Variants in SPAG16 observed in about 807,000 individuals in gnomAD.
SPAG16 encodes sperm-associated antigen 16 protein.
A neutral mutation model predicts 80.4 loss-of-function variants in SPAG16; 86 were observed. The ratio of observed to expected loss-of-function variants is 1.07; its 90% CI spans 0.90 to 1.28. SPAG16 has a LOEUF of 1.28. SPAG16 is among the 50% of genes most tolerant of loss of function. The pLI, the probability that SPAG16 is intolerant of heterozygous loss-of-function variation, is 0.00. For missense variants in SPAG16, 870 were observed against 765.3 expected (o/e 1.14, Z -1.61); for synonymous variants, 294 against 265.9 (o/e 1.11, Z -1.03).
At chr2:213,814,733 T>A (rs890860497) in intron 10 of SPAG16, among the ~76,000 whole-genome samples, 3 of 152,028 alleles carry the variant, frequency 2.0e-5, no homozygotes, top group Admixed American at 6.6e-5. Flanking sequence ...GAGGTTGCAG[T>A]GAGCCGAGAT....
At chr2:214,231,640 C>A (rs985479861) in intron 15 of SPAG16, among the ~76,000 whole-genome samples, 2 of 151,946 alleles carry the variant, frequency 1.3e-5, no homozygotes, top group Non-Finnish European at 2.9e-5. Context: ...CAGCATTGAG[C>A]CCCCAAAAGA....
intron 11 of SPAG16, among the ~76,000 whole-genome samples, chr2:213,898,515 A>G (rs1489143868): frequency 2.0e-5 from 3 of 152,180 alleles, no homozygotes; most frequent in Admixed American, 1.3e-4. Context: ...TGCTGGGGTC[A>G]TGACTGTTGC....
At chr2:213,461,417 T>A (rs1454127683) in intron 9 of SPAG16, among the ~76,000 whole-genome samples, 1 of 152,168 alleles carries the variant, frequency 6.6e-6, no homozygotes, top group Non-Finnish European at 1.5e-5. Context: ...CGGAGTGCCA[T>A]TCGATGGTAA....
At chr2:213,947,459 T>G (rs2079526944) in intron 12 of SPAG16, among the ~76,000 whole-genome samples, 1 of 152,158 alleles carries the variant, frequency 6.6e-6, no homozygotes, top group Admixed American at 6.5e-5. Context: ...GACATCTTAT[T>G]ATGTACATAC....
chr2:214,298,400 A>ATGAT (rs1297749815), intron 15 of SPAG16, among the ~76,000 whole-genome samples: 2 of 152,230 alleles, frequency 1.3e-5, no homozygotes, highest in East Asian at 3.9e-4. Flanking sequence ...AAGGAGGATG[A>ATGAT]TGATGAAATT....
chr2:214,000,127 G>T (rs1324034190), intron 12 of SPAG16, among the ~76,000 whole-genome samples: 1 of 152,068 alleles, frequency 6.6e-6, no homozygotes, highest in Non-Finnish European at 1.5e-5. Context: ...AGGGGCCAGG[G>T]GTAGAATGAT....
intron 5 of SPAG16, among the ~76,000 whole-genome samples, chr2:213,326,685 T>C (rs2063856533): frequency 6.6e-6 from 1 of 152,002 alleles, no homozygotes; most frequent in South Asian, 2.1e-4. Context: ...TTTGATTCAA[T>C]TTTTTCATGT....
At chr2:214,178,737 AT>A (rs2057213547) in intron 15 of SPAG16, among the ~76,000 whole-genome samples, 1 of 151,348 alleles carries the variant, frequency 6.6e-6, no homozygotes, top group Non-Finnish European at 1.5e-5. Context: ...AATATTTCTA[AT>A]TTCTATTACC....
At chr2:213,745,893 T>C (rs184259131) in intron 10 of SPAG16, among the ~76,000 whole-genome samples, 6 of 152,330 alleles carry the variant, frequency 3.9e-5, no homozygotes, top group African/African-American at 1.4e-4. Context: ...TTAACACAGA[T>C]TTTTCTATTG....
At chr2:213,601,749 C>G (rs369041394) in intron 10 of SPAG16, among the ~76,000 whole-genome samples, 1 of 152,130 alleles carries the variant, frequency 6.6e-6, no homozygotes, top group Non-Finnish European at 1.5e-5. Flanking sequence ...AAATACTTAC[C>G]ATTGTGTTAC....
At chr2:214,072,554 A>G (rs776669802) in intron 13 of SPAG16, among the ~76,000 whole-genome samples, 2 of 152,144 alleles carry the variant, frequency 1.3e-5, no homozygotes, top group Admixed American at 6.5e-5. Flanking sequence ...AGACTAGGGA[A>G]TCTGTTTAGG....
rs1332613860 is a variant in SPAG16, at chr2:213,359,625, T to A, written c.763-4451T>A. 2.0e-5 allele frequency among the ~76,000 whole-genome samples: 3 copies of A among 152,314 alleles called. No homozygotes were observed. In the East Asian group the frequency reaches 5.8e-4, roughly 29 times the overall value. On this transcript the variant is annotated intron_variant, in intron 7 of 15. Transcript: ENST00000331683. The stretch of plus-strand genomic sequence containing the variant: ...CCTGGTCTGCCAGTTGCTAAGACCA[T>A]GGGAAAAGTGCAGTATTTGGACAGA...
intron 10 of SPAG16, among the ~76,000 whole-genome samples, chr2:213,653,748 C>G (rs1422245858): frequency 2.6e-5 from 4 of 151,936 alleles, no homozygotes; most frequent in African/African-American, 9.7e-5. Context: ...TATTTTTTTC[C>G]TTTGGAACTA....
chr2:213,408,144 C>T (rs1241206044), intron 9 of SPAG16, among the ~76,000 whole-genome samples: 1 of 151,720 alleles, frequency 6.6e-6, no homozygotes. Flanking sequence ...ACCAGTGTAC[C>T]CTATTCCTTT....
chr2:214,014,958 G>A (rs1355573888), intron 13 of SPAG16, among the ~76,000 whole-genome samples: 1 of 152,174 alleles, frequency 6.6e-6, no homozygotes, highest in Non-Finnish European at 1.5e-5. Flanking sequence ...ATACTTCGAG[G>A]GAGGAGCAAA....
chr2:214,256,725 G>A (rs1690713039), intron 15 of SPAG16, among the ~76,000 whole-genome samples: 1 of 151,824 alleles, frequency 6.6e-6, no homozygotes, highest in Admixed American at 6.6e-5. Flanking sequence ...ATGTGAAATG[G>A]TTGTATATAT....
In SPAG16 at chr2:213,911,208, C is replaced by T. The variant is rs540642847; in HGVS notation, c.1215-18752C>T. On this transcript the variant is annotated intron_variant, in intron 11 of 15. Coordinates refer to ENST00000331683, the MANE Select transcript of SPAG16 (RefSeq NM_024532.5). ...CTGCCCAGGCTGGAATGCAGTGGCA[C>T]GATCACAGCTCACTGCAACTTCCAC... 5.9e-5 allele frequency among the ~76,000 whole-genome samples: 9 copies of T among 152,288 alleles called. No individual in the cohort carries two copies. The East Asian group carries it at 9.6e-4, about 16-fold the overall frequency.
At chr2:213,712,179 AC>A (rs1274605520) in intron 10 of SPAG16, among the ~76,000 whole-genome samples, 1 of 152,150 alleles carries the variant, frequency 6.6e-6, no homozygotes, top group Non-Finnish European at 1.5e-5. Flanking sequence ...ATATAAGTAT[AC>A]GTGTAATAGC....
At chr2:213,709,211 T>G (rs1191008950) in intron 10 of SPAG16, among the ~76,000 whole-genome samples, 1 of 152,212 alleles carries the variant, frequency 6.6e-6, no homozygotes, top group Non-Finnish European at 1.5e-5. Context: ...TTGGCAAAGT[T>G]GAAACATCAA....
Sources: allele counts gnomAD v4.1 joint callset (sites outside exome capture counted in the v4.1 genomes callset), GRCh38; gene constraint gnomAD v4.1.1; transcripts MANE v1.5; gene names NCBI Gene and HGNC (gene_info 2026-07-23, HGNC 2026-07-21).